Variants in THADA observed in about 807,000 individuals in gnomAD.
The protein encoded by THADA is tRNA (32-2'-O)-methyltransferase regulator THADA.
In THADA, 213 loss-of-function variants were observed where a neutral mutation model predicts 219.8. That is an observed-to-expected ratio of 0.97 (90% CI 0.87 to 1.09). The LOEUF is 1.09. THADA is among the 50% of genes least tolerant of loss of function. THADA has a pLI of 0.00. For missense variants in THADA, 2,956 were observed against 2,311.3 expected (o/e 1.28, Z -5.72); for synonymous variants, 1,018 against 828.9 (o/e 1.23, Z -3.92).
At chr2:43,295,987 T>A (rs1045750469) in intron 31 of THADA, among the ~76,000 whole-genome samples, 1 of 150,400 alleles carries the variant, frequency 6.6e-6, no homozygotes, top group Admixed American at 6.7e-5. Context: ...TGGTGCGATC[T>A]CGGCTCACTG....
intron 36 of THADA, among the ~76,000 whole-genome samples, chr2:43,242,052 T>C (rs1419504889): frequency 6.6e-6 from 1 of 152,262 alleles, no homozygotes; most frequent in Non-Finnish European, 1.5e-5. Flanking sequence ...CCTGCCGGCC[T>C]GTCCCTCAGG....
intron 29 of THADA, among the ~76,000 whole-genome samples, chr2:43,348,101 T>C (rs1667846851): frequency 6.6e-6 from 1 of 152,216 alleles, no homozygotes. Context: ...TGGCTGCAGA[T>C]GTTTTATTTA....
intron 26 of THADA, among the ~76,000 whole-genome samples, chr2:43,455,233 T>C (rs1019037588): frequency 6.6e-6 from 1 of 152,300 alleles, no homozygotes; most frequent in Middle Eastern, 3.4e-3. Flanking sequence ...TTACTTGGGC[T>C]ATCATATTTT....
chr2:43,292,376 T>C (rs1174290992), intron 32 of THADA, among the ~76,000 whole-genome samples, 154 bp from the exon 33 acceptor site: 1 of 152,224 alleles, frequency 6.6e-6, no homozygotes, highest in African/African-American at 2.4e-5. Context: ...TTTGGGAGAC[T>C]GAGGCAGAGT....
At chr2:43,256,297 C>A (rs1303752585) in intron 36 of THADA, among the ~76,000 whole-genome samples, 1 of 151,956 alleles carries the variant, frequency 6.6e-6, no homozygotes, top group Non-Finnish European at 1.5e-5. Flanking sequence ...ATCACTTGAG[C>A]ACAGGAGTTT....
rs142074080 is a variant in THADA at position 43,419,649 on chromosome 2, T to A, written c.4058+8451A>T. On this transcript the variant is annotated intron_variant, in intron 28 of 37. Transcript: ENST00000405975. ...CTCTACTGTGTAGGATGACTGCCTA[T>A]CAGTCAGCATTTGGGGCTTGGTAAT... Among the ~76,000 whole-genome samples the A allele has an allele frequency of 3.7e-3, 571 of 152,314 alleles. 1 individual carries two copies. Among genetic ancestry groups the A allele is most frequent in the African/African-American group, 0.013 (541 of 41,566 alleles).
At position 43,292,819 on chromosome 2, in the gene THADA, C is replaced by G. The variant is rs1202192805; in HGVS notation, c.4818+15G>C. On this transcript the variant is annotated intron_variant, in intron 32 of 37. Transcript: ENST00000405975. ...GGGGAGTGTAAAGGGCCAGTCAGTA[C>G]GTTGGAGACTTTACCTTGCAGAAGC... The G allele has an allele frequency of 4.4e-6, 7 of 1,606,056 alleles. No individual in the cohort carries two copies. Among genetic ancestry groups the G allele is most frequent in the African/African-American group, 2.7e-5 (2 of 74,968 alleles).
intron 26 of THADA, among the ~76,000 whole-genome samples, chr2:43,453,368 C>G (rs1220719619): frequency 6.6e-6 from 1 of 152,164 alleles, no homozygotes; most frequent in Admixed American, 6.5e-5. Flanking sequence ...AACAGATTGG[C>G]TGGATTTCCA....
intron 29 of THADA, among the ~76,000 whole-genome samples, chr2:43,352,240 A>ACT (rs1246471403): frequency 3.9e-5 from 6 of 152,168 alleles, no homozygotes; most frequent in Non-Finnish European, 5.9e-5. Flanking sequence ...TCAACAAGAA[A>ACT]CTCTTAATGT....
chr2:43,570,755 G>C (rs1699202350), intron 13 of THADA, among the ~76,000 whole-genome samples: 1 of 152,188 alleles, frequency 6.6e-6, no homozygotes, highest in Non-Finnish European at 1.5e-5. Flanking sequence ...CAAACCTGAA[G>C]ATGATTTAGT....
In THADA at chr2:43,398,111, G is replaced by C. The variant is rs771492300; in HGVS notation, c.4087C>G (p.Arg1363Gly). ...ACCAAGGCACGAGCTGCCATTTCAC[G>C]GGAGTGGTAGACAGGTGAGTGACCA... is the stretch of plus-strand genomic sequence containing the variant. ...RCGHSPVYHS[R>G]EMAARALVPF... Residue 1363 changes from arginine to glycine, a missense_variant, in exon 29 of 38, where the codon CGT (arginine) becomes GGT (glycine). By Grantham distance (125) the Arg-to-Gly change is moderately radical (BLOSUM62 -2). Coordinates refer to ENST00000405975, the MANE Select transcript of THADA (RefSeq NM_022065.5). The C allele has an allele frequency of 1.2e-6, 2 of 1,613,940 alleles. No homozygotes were observed. Among genetic ancestry groups the C allele is most frequent in the Non-Finnish European group, 1.7e-6 (2 of 1,179,838 alleles).
At chr2:43,334,934 G>C (rs1666236218) in intron 30 of THADA, among the ~76,000 whole-genome samples, 1 of 152,138 alleles carries the variant, frequency 6.6e-6, no homozygotes, top group Non-Finnish European at 1.5e-5. Context: ...AGAGAATCTT[G>C]GGCTGATCCC....
At chr2:43,286,254 G>A (rs1673991366) in intron 35 of THADA, among the ~76,000 whole-genome samples, 1 of 152,164 alleles carries the variant, frequency 6.6e-6, no homozygotes, top group South Asian at 2.1e-4. Context: ...GGCAGGAGGA[G>A]TGGGCTAGGG....
At chr2:43,341,689 G>A (rs1196532198) in intron 30 of THADA, among the ~76,000 whole-genome samples, 1 of 152,156 alleles carries the variant, frequency 6.6e-6, no homozygotes, top group African/African-American at 2.4e-5. Context: ...TAGGATACTT[G>A]GGACAGTCCT....
chr2:43,317,196 G>A (rs183757822), intron 31 of THADA, among the ~76,000 whole-genome samples: 20 of 152,252 alleles, frequency 1.3e-4, no homozygotes, highest in African/African-American at 4.6e-4. Context: ...TGGACTTTGT[G>A]AGCTAATAAT....
intron 28 of THADA, among the ~76,000 whole-genome samples, chr2:43,411,166 G>C (rs1676249145): frequency 6.6e-6 from 1 of 152,162 alleles, no homozygotes; most frequent in South Asian, 2.1e-4. Flanking sequence ...GTTCTAGACA[G>C]GCTCAGAGAA....
intron 7 of THADA, among the ~76,000 whole-genome samples, chr2:43,582,605 T>C (rs1700578908): frequency 7.4e-6 from 1 of 135,280 alleles, no homozygotes; most frequent in Non-Finnish European, 1.5e-5. Flanking sequence ...TCTCCCCCTC[T>C]GTCACCCAGG....
intron 36 of THADA, among the ~76,000 whole-genome samples, chr2:43,257,339 C>G (rs560831860): frequency 6.6e-6 from 1 of 152,352 alleles, no homozygotes; most frequent in South Asian, 2.1e-4. Context: ...GTCTCTAACC[C>G]CAAACCCTGC....
chr2:43,569,161 G>A (rs1252320516), intron 14 of THADA, among the ~76,000 whole-genome samples: 1 of 152,078 alleles, frequency 6.6e-6, no homozygotes, highest in African/African-American at 2.4e-5. Flanking sequence ...TCTTTTAATA[G>A]AGATGGGGTC....
Sources: allele counts gnomAD v4.1 joint callset (sites outside exome capture counted in the v4.1 genomes callset), GRCh38; gene constraint gnomAD v4.1.1; transcripts MANE v1.5; gene names NCBI Gene and HGNC (gene_info 2026-07-23, HGNC 2026-07-21).